The following ANO2 variants were observed in gnomAD, a reference collection of about 807,000 sequenced individuals.
ANO2 encodes anoctamin-2.
Under a neutral mutation model 124.2 loss-of-function variants are expected in ANO2, and 101 were observed. That is an observed-to-expected ratio of 0.81 (90% CI 0.69 to 0.96). The LOEUF (loss-of-function observed/expected upper bound fraction) is 0.96. Among genes scored for constraint, ANO2 ranks in the 40% least tolerant of loss-of-function variants. The pLI is 0.00. For missense variants in ANO2, 1,293 were observed against 1,274.5 expected (o/e 1.01, Z -0.22); for synonymous variants, 486 against 482.5 (o/e 1.01, Z -0.09).
intron 4 of ANO2, chr12:5,851,855 G>A (rs1954921733): frequency 2.9e-6 from 2 of 698,266 alleles, no homozygotes; most frequent in Non-Finnish European, 2.6e-6. Flanking sequence ...TAAGCAAGCG[G>A]AGGTTGAAAA....
intron 10 of ANO2, among the ~76,000 whole-genome samples, chr12:5,791,134 C>T (rs531056468): frequency 5.7e-4 from 86 of 152,202 alleles, no homozygotes; most frequent in African/African-American, 2.0e-3. Flanking sequence ...CAGGATGAAC[C>T]GTGGAAGCGT....
chr12:5,735,850 G>C (rs1950840264), intron 13 of ANO2, among the ~76,000 whole-genome samples: 1 of 151,990 alleles, frequency 6.6e-6, no homozygotes, highest in Admixed American at 6.6e-5. Context: ...AGAGGATTTG[G>C]TTTCCTGTGA....
intron 23 of ANO2, 137 bp downstream of exon 23, chr12:5,575,697 C>A (rs1942358855): frequency 2.1e-6 from 2 of 959,776 alleles, no homozygotes; most frequent in Non-Finnish European, 3.0e-6. Context: ...TCTTACGGGA[C>A]AATCGCCATA....
In ANO2 at chr12:5,597,964, A is replaced by T. The variant is rs188132914; in HGVS notation, c.2233+1520T>A. Among the ~76,000 whole-genome samples the T allele has an allele frequency of 3.3e-5, 5 of 152,324 alleles. No individual in the cohort carries two copies. In the East Asian group the frequency reaches 9.6e-4, roughly 29 times the overall value. Reference sequence around the variant, plus strand: ...ACATATTGTTTCTGAAGCAGACTTAATGATTGTTTGTTCTCTGGTGAGTTG... The same window carrying T: ...ACATATTGTTTCTGAAGCAGACTTATTGATTGTTTGTTCTCTGGTGAGTTG... On this transcript the variant is annotated intron_variant, in intron 20 of 24. Coordinates refer to ENST00000682330, the MANE Select transcript of ANO2 (RefSeq NM_001364791.2).
rs116093840 is a variant in ANO2, at chr12:5,869,457, C to T, written c.535-15316G>A. On this transcript the variant is annotated intron_variant, in intron 3 of 24. Transcript: ENST00000682330. Reference sequence around the variant, plus strand: ...CAAAGCAAAGCCCAGGGTAAATCTTCAATAAAAATGAGGGTGGGCATCATC... The same window carrying T: ...CAAAGCAAAGCCCAGGGTAAATCTTTAATAAAAATGAGGGTGGGCATCATC... Among the ~76,000 whole-genome samples, 587 of 152,230 alleles carry T rather than the reference C, an allele frequency of 3.9e-3. 4 individuals carry two copies. The highest frequency in any genetic ancestry group is 0.014 in the African/African-American group (561 of 41,530).
At chr12:5,853,367 A>T (rs2137253571) in intron 4 of ANO2, among the ~76,000 whole-genome samples, 1 of 151,960 alleles carries the variant, frequency 6.6e-6, no homozygotes, top group African/African-American at 2.4e-5. Flanking sequence ...TACCTCAAAC[A>T]TCATCTAAAC....
intron 4 of ANO2, among the ~76,000 whole-genome samples, chr12:5,850,415 C>CAA (rs11307572): frequency 4.4e-4 from 44 of 100,164 alleles, no homozygotes; most frequent in African/African-American, 1.6e-3. Flanking sequence ...CACTCCATCT[C>CAA]AAAAAAAAAA....
chr12:5,791,637 G>A (rs1204522793), intron 10 of ANO2, among the ~76,000 whole-genome samples: 4 of 152,154 alleles, frequency 2.6e-5, no homozygotes, highest in Admixed American at 1.3e-4. Context: ...GACAGGCCTG[G>A]GTTTGAATTC....
At chr12:5,922,270 G>A (rs1276095737) in intron 2 of ANO2, among the ~76,000 whole-genome samples, 1 of 152,188 alleles carries the variant, frequency 6.6e-6, no homozygotes, top group Non-Finnish European at 1.5e-5. Context: ...AGGTCACCTG[G>A]GCAACCAGAT....
intron 14 of ANO2, among the ~76,000 whole-genome samples, chr12:5,721,232 TA>T (rs895085595): frequency 6.6e-5 from 10 of 151,854 alleles, no homozygotes; most frequent in African/African-American, 2.2e-4. Flanking sequence ...GAGACGGCAA[TA>T]AGAGAGAGAG....
intron 10 of ANO2, among the ~76,000 whole-genome samples, chr12:5,794,966 C>A (rs891237153): frequency 6.6e-6 from 1 of 152,234 alleles, no homozygotes; most frequent in Admixed American, 6.5e-5. Flanking sequence ...CCCAGCCTGG[C>A]CTGCTGAGAA....
At position 5,921,145 on chromosome 12, in the gene ANO2, A is replaced by T. The variant is rs372117855; in HGVS notation, c.429T>A (p.Ile143=). The change falls in exon 3 of 25, where the codon ATT becomes ATA. Residue 143 remains isoleucine, a synonymous_variant. Transcript: ENST00000682330. ...KEPHAGGPGD[I]ELGPLDALEE... ...CCAGGGCATCGAGCGGTCCCAGCTC[A>T]ATGTCACCTGGGCCCCCAGCATGAG... 9.0e-5 allele frequency: 146 copies of T among 1,613,856 alleles called. No individual in the cohort carries two copies. The highest frequency in any genetic ancestry group is 8.3e-5 in the Non-Finnish European group (98 of 1,179,898).
chr12:5,850,597 A>G (rs1437154583), intron 4 of ANO2, among the ~76,000 whole-genome samples: 1 of 152,048 alleles, frequency 6.6e-6, no homozygotes, highest in Non-Finnish European at 1.5e-5. Context: ...TCCCTAACCC[A>G]CCACATTGAC....
At chr12:5,791,957 T>A (rs1349540462) in intron 10 of ANO2, among the ~76,000 whole-genome samples, 1 of 152,166 alleles carries the variant, frequency 6.6e-6, no homozygotes, top group Non-Finnish European at 1.5e-5. Context: ...TATTATATTG[T>A]AATAGAAATA....
intron 7 of ANO2, among the ~76,000 whole-genome samples, chr12:5,812,769 G>A: frequency 1.1e-5 from 1 of 93,846 alleles, no homozygotes; most frequent in Non-Finnish European, 2.2e-5. Context: ...AGGGAAGGCA[G>A]GCAAGTGAAA....
chr12:5,945,293 T>A, upstream of ANO2: 1 of 1,222,562 alleles, frequency 8.2e-7, no homozygotes, highest in Non-Finnish European at 1.0e-6. Context: ...GCTAATTCCA[T>A]CGCGGCTCAG....
chr12:5,578,534 G>GC lies in ANO2; in HGVS notation c.2234-17dup. The GC allele has an allele frequency of 6.2e-7, 1 of 1,609,268 alleles. No individual in the cohort carries two copies. The highest frequency in any genetic ancestry group is 8.5e-7 in the Non-Finnish European group (1 of 1,177,838). ...AACTGGATGACTGCGAGAGAGCACAGCATGAGGGCTTCAGCAGGAACAAGC... is the reference window on the plus strand; with the variant it reads ...AACTGGATGACTGCGAGAGAGCACAGCCATGAGGGCTTCAGCAGGAACAAGC... On this transcript the variant is annotated splice_polypyrimidine_tract_variant and intron_variant, in intron 20 of 24. Transcript: ENST00000682330.
intron 19 of ANO2, among the ~76,000 whole-genome samples, chr12:5,604,746 AAAT>A (rs1944125702): frequency 6.6e-6 from 1 of 152,142 alleles, no homozygotes; most frequent in South Asian, 2.1e-4. Context: ...CCATTAAAAA[AAAT>A]AATAATAAAG....
chr12:5,609,881 A>G (rs956952367), intron 19 of ANO2, among the ~76,000 whole-genome samples: 12 of 148,172 alleles, frequency 8.1e-5, no homozygotes, highest in Admixed American at 4.1e-4. Flanking sequence ...ATATATATAT[A>G]TATGTTTTAT....
Sources: gnomAD v4.1 joint callset for allele counts (sites outside exome capture counted in the v4.1 genomes callset) on GRCh38, gnomAD v4.1.1 for gene constraint, MANE v1.5 for transcripts, NCBI Gene and HGNC (gene_info 2026-07-23, HGNC 2026-07-21) for gene names.